Variants in CDH12 observed in about 807,000 individuals in gnomAD.
CDH12 encodes cadherin 12.
A neutral mutation model predicts 74.1 loss-of-function variants in CDH12; 41 were observed. That is an observed-to-expected ratio of 0.55 (90% CI 0.43 to 0.72). CDH12 has a LOEUF of 0.72. CDH12 is among the 30% of genes least tolerant of loss of function. The pLI is 0.00. For missense variants in CDH12, 945 were observed against 977.2 expected, an observed-to-expected ratio of 0.97 and a Z score of 0.44; for synonymous variants, 399 against 355.0, an observed-to-expected ratio of 1.12 and a Z score of -1.39.
chr5:22,073,466 C>T (rs1002302834), intron 5 of CDH12, among the ~76,000 whole-genome samples: 1 of 152,132 alleles, frequency 6.6e-6, no homozygotes, highest in African/African-American at 2.4e-5. Flanking sequence ...TGTATGCACA[C>T]TTGTGCACAT....
chr5:22,505,274 A>G lies in CDH12; in HGVS notation c.-432T>C, dbSNP rs1736335985. The G allele has an allele frequency of 1.0e-6, 1 of 976,324 alleles. No individual in the cohort carries two copies. The highest frequency in any genetic ancestry group is 1.8e-5 in the African/African-American group (1 of 57,036). The allele number at this position is 976,324 out of a possible 1,614,324, so 60.5% of individuals were successfully genotyped here. A position where few individuals can be genotyped will look rare whatever the true frequency, so the allele number is the denominator to read the frequency against. The stretch of plus-strand genomic sequence containing the variant: ...GATAAGATTTTTTTTACCTACCTTT[A>G]AAAAGGCTGGCATTCTTTAAAACTC... On this transcript the variant is annotated 5_prime_UTR_variant, in exon 2 of 15. Coordinates refer to ENST00000382254, the MANE Select transcript of CDH12 (RefSeq NM_004061.5).
chr5:22,163,954 ATAC>A (rs1748512259), intron 4 of CDH12, among the ~76,000 whole-genome samples: 1 of 152,330 alleles, frequency 6.6e-6, no homozygotes, highest in Admixed American at 6.5e-5. Context: ...TCACAATTTC[ATAC>A]TCATATAGTT....
chr5:22,767,371 C>T (rs1242182153), intron 1 of CDH12, among the ~76,000 whole-genome samples: 2 of 151,916 alleles, frequency 1.3e-5, no homozygotes, highest in African/African-American at 2.4e-5. Flanking sequence ...TCCTTTTGCA[C>T]TTCAACACAG....
At chr5:22,659,978 T>C (rs897651978) in intron 1 of CDH12, among the ~76,000 whole-genome samples, 1 of 152,178 alleles carries the variant, frequency 6.6e-6, no homozygotes. Flanking sequence ...ATCATGTTCT[T>C]ATAATACTTT....
intron 3 of CDH12, among the ~76,000 whole-genome samples, chr5:22,349,878 G>A (rs1200300480): frequency 6.6e-6 from 1 of 152,134 alleles, no homozygotes; most frequent in African/African-American, 2.4e-5. Flanking sequence ...GGGACTACAG[G>A]CGCAGCTAAT....
At position 21,751,609 on chromosome 5, in the gene CDH12, A is replaced by AAAGAGTGTGTGTGTGT. The variant is rs1554025828; in HGVS notation, c.*127_*128insACACACACACACTCTT. On this transcript the variant is annotated 3_prime_UTR_variant, in exon 15 of 15. Transcript: ENST00000382254. ...GGTAATCAAAGGAATCTTGTCCCAG[A>AAAGAGTGTGTGTGTGT]GTGTGTGTGTGTGTGTGTGTGTTTG... The AAAGAGTGTGTGTGTGT allele has an allele frequency of 2.5e-5, 14 of 556,182 alleles. No individual in the cohort carries two copies. Among genetic ancestry groups the AAAGAGTGTGTGTGTGT allele is most frequent in the African/African-American group, 5.0e-5 (2 of 39,932 alleles). 34.5% of individuals were successfully genotyped at this position (556,182 alleles called of 1,614,324 possible). A position where few individuals can be genotyped will look rare whatever the true frequency, so the allele number is the denominator to read the frequency against.
intron 11 of CDH12, among the ~76,000 whole-genome samples, chr5:21,779,846 T>G (rs1745810650): frequency 2.0e-5 from 3 of 152,192 alleles, no homozygotes; most frequent in Admixed American, 1.3e-4. Flanking sequence ...TGAATAAAGT[T>G]TACTTTTAAG....
chr5:22,121,893 T>C (rs1745534138), intron 4 of CDH12, among the ~76,000 whole-genome samples: 1 of 152,084 alleles, frequency 6.6e-6, no homozygotes, highest in Non-Finnish European at 1.5e-5. Context: ...ACTTAAAACA[T>C]CATAGATTAA....
At chr5:22,561,687 G>A (rs1446821880) in intron 1 of CDH12, among the ~76,000 whole-genome samples, 1 of 152,020 alleles carries the variant, frequency 6.6e-6, no homozygotes, top group Non-Finnish European at 1.5e-5. Context: ...AGCATTTTTT[G>A]CCAGAGGAAA....
At chr5:21,998,856 G>C (rs1736444180) in intron 5 of CDH12, among the ~76,000 whole-genome samples, 1 of 152,086 alleles carries the variant, frequency 6.6e-6, no homozygotes, top group South Asian at 2.1e-4. Context: ...CTTCTCAAGG[G>C]AAGGTTTCTT....
At chr5:22,702,226 AC>A (rs1742750262) in intron 1 of CDH12, among the ~76,000 whole-genome samples, 1 of 152,078 alleles carries the variant, frequency 6.6e-6, no homozygotes, top group Non-Finnish European at 1.5e-5. Context: ...ATTCTATGCA[AC>A]CTAAGTGGAA....
chr5:22,244,518 AAAAAAAAAAAAAAAAGAAGAAG>A (rs1405044790), intron 3 of CDH12, among the ~76,000 whole-genome samples: 5 of 22,476 alleles, frequency 2.2e-4, no homozygotes, highest in African/African-American at 3.9e-4. Context: ...AAAAAAAAAA[AAAAAAAAAAAAAAAAGAAGAAG>A]AAGAAGAAGA....
intron 6 of CDH12, among the ~76,000 whole-genome samples, chr5:21,923,961 T>C (rs1182624845): frequency 6.6e-6 from 1 of 152,206 alleles, no homozygotes; most frequent in Non-Finnish European, 1.5e-5. Context: ...GGATGCATAC[T>C]GTCTTCATAG....
chr5:22,035,750 A>T (rs1394276687), intron 5 of CDH12, among the ~76,000 whole-genome samples: 1 of 145,008 alleles, frequency 6.9e-6, no homozygotes. Context: ...ACACACACAC[A>T]CTCCCCAGAG....
chr5:22,067,479 G>A (rs1038346930), intron 5 of CDH12, among the ~76,000 whole-genome samples: 1 of 152,152 alleles, frequency 6.6e-6, no homozygotes, highest in South Asian at 2.1e-4. Flanking sequence ...CATTGACTGA[G>A]TGATGTGAAA....
At chr5:21,889,279 T>C (rs1043989493) in intron 6 of CDH12, among the ~76,000 whole-genome samples, 1 of 152,154 alleles carries the variant, frequency 6.6e-6, no homozygotes, top group African/African-American at 2.4e-5. Flanking sequence ...GTAAGAGCTA[T>C]TTTTCCTGTA....
At chr5:22,511,364 G>A (rs908047040) in intron 1 of CDH12, among the ~76,000 whole-genome samples, 2 of 151,986 alleles carry the variant, frequency 1.3e-5, no homozygotes, top group African/African-American at 4.8e-5. Context: ...ATAATTTAGT[G>A]TAAAGATAAT....
At chr5:22,363,776 A>G in intron 3 of CDH12, among the ~76,000 whole-genome samples, 1 of 152,202 alleles carries the variant, frequency 6.6e-6, no homozygotes, top group Non-Finnish European at 1.5e-5. Flanking sequence ...TGTCAGACAA[A>G]ATGCATTGAG....
At chr5:22,432,728 A>C (rs751992606) in intron 2 of CDH12, among the ~76,000 whole-genome samples, 1 of 152,130 alleles carries the variant, frequency 6.6e-6, no homozygotes, top group Admixed American at 6.6e-5. Flanking sequence ...AGCTCACTTC[A>C]TATTTCCTGT....
Sources: gnomAD v4.1 joint callset for allele counts (sites outside exome capture counted in the v4.1 genomes callset) on GRCh38, gnomAD v4.1.1 for gene constraint, MANE v1.5 for transcripts, NCBI Gene and HGNC (gene_info 2026-07-23, HGNC 2026-07-21) for gene names.